Variants in ZBTB8A observed in about 807,000 individuals in gnomAD.
The protein encoded by ZBTB8A is zinc finger and BTB domain-containing protein 8A.
Under a neutral mutation model 37.8 loss-of-function variants are expected in ZBTB8A, and 19 were observed. That is an observed-to-expected ratio of 0.50 (90% CI 0.35 to 0.74). The LOEUF (loss-of-function observed/expected upper bound fraction) is 0.74. ZBTB8A is among the 30% of genes least tolerant of loss of function. The probability of loss-of-function intolerance (pLI) is 0.01; values close to 1 mark genes in which losing one functional copy is unlikely to be tolerated. For synonymous variants in ZBTB8A, 181 were observed against 185.2 expected, an observed-to-expected ratio of 0.98 and a Z score of 0.19; for missense variants, 394 against 537.8, an observed-to-expected ratio of 0.73 and a Z score of 2.65.
chr1:32,576,606 T>A (rs956271504), intron 2 of ZBTB8A, among the ~76,000 whole-genome samples: 1 of 152,176 alleles, frequency 6.6e-6, no homozygotes, highest in African/African-American at 2.4e-5. Flanking sequence ...TTTTTGTGTT[T>A]TTAATAGAGA....
intron 2 of ZBTB8A, among the ~76,000 whole-genome samples, chr1:32,576,039 A>G (rs1374930086): frequency 6.6e-6 from 1 of 152,224 alleles, no homozygotes; most frequent in Non-Finnish European, 1.5e-5. Flanking sequence ...CTTCATATAT[A>G]GCAGATTTCA....
intron 2 of ZBTB8A, among the ~76,000 whole-genome samples, chr1:32,592,182 C>T (rs978326022): frequency 6.6e-6 from 1 of 152,056 alleles, no homozygotes; most frequent in Non-Finnish European, 1.5e-5. Flanking sequence ...AACCTATTAT[C>T]TTCTGTGTCT....
chr1:32,595,696 C>T (rs1022724303), intron 4 of ZBTB8A, among the ~76,000 whole-genome samples: 2 of 151,052 alleles, frequency 1.3e-5, no homozygotes, highest in African/African-American at 2.4e-5. Flanking sequence ...ATCGCCCAAG[C>T]TGGAGTGCAG....
At position 32,602,424 on chromosome 1, in the gene ZBTB8A, T is replaced by C. The variant is rs570986787; in HGVS notation, c.*2005T>C. On this transcript the variant is annotated 3_prime_UTR_variant, in exon 5 of 5. Transcript: ENST00000373510. ...AGAAGCATTGTTTCAGTTCTAAAGG[T>C]AAAATCTAAATATCCGAAGTAAAGA... The C allele has an allele frequency of 1.4e-4, 21 of 152,080 alleles. No homozygotes were observed. The highest frequency in any genetic ancestry group is 4.6e-4 in the African/African-American group (19 of 41,490). 9.4% of individuals were successfully genotyped at this position (152,080 alleles called of 1,614,324 possible). A position where few individuals can be genotyped will look rare whatever the true frequency, so the allele number is the denominator to read the frequency against.
At chr1:32,571,518 T>C (rs1358971709) in intron 2 of ZBTB8A, among the ~76,000 whole-genome samples, 5 of 152,166 alleles carry the variant, frequency 3.3e-5, no homozygotes, top group Non-Finnish European at 7.4e-5. Context: ...TTAAACATCT[T>C]GTATTCCAGC....
chr1:32,588,665 C>T (rs1644466214), intron 2 of ZBTB8A, among the ~76,000 whole-genome samples: 1 of 151,948 alleles, frequency 6.6e-6, no homozygotes, highest in Non-Finnish European at 1.5e-5. Flanking sequence ...TTGGATTTGA[C>T]AACATGTGAG....
intron 4 of ZBTB8A, among the ~76,000 whole-genome samples, chr1:32,598,355 C>G (rs1644549085): frequency 6.6e-6 from 1 of 151,326 alleles, no homozygotes; most frequent in Non-Finnish European, 1.5e-5. Flanking sequence ...GCCTCAGCCT[C>G]CCGTGTAGCT....
Position 32,578,034 on chromosome 1 carries a change from G to T in ZBTB8A, c.-1-14897G>T, listed in dbSNP as rs1023439478. 4.0e-5 allele frequency among the ~76,000 whole-genome samples: 6 copies of T among 151,702 alleles called. No homozygotes were observed. The Admixed American group carries it at 4.0e-4, about 10-fold the overall frequency. On this transcript the variant is annotated intron_variant, in intron 2 of 4. Transcript: ENST00000373510. ...TTCTCCTGCCTCAGCCTCCCCAGCA[G>T]CTGGGATTACAGGTGCGTGCCACCA...
chr1:32,580,980 C>T (rs373519277), intron 2 of ZBTB8A, among the ~76,000 whole-genome samples: 72 of 149,410 alleles, frequency 4.8e-4, no homozygotes, highest in Middle Eastern at 3.4e-3. Flanking sequence ...GGTGTCCACA[C>T]GACCTAATAA....
intron 2 of ZBTB8A, among the ~76,000 whole-genome samples, chr1:32,563,262 A>G (rs1425200398): frequency 1.3e-5 from 2 of 152,126 alleles, no homozygotes; most frequent in African/African-American, 4.8e-5. Context: ...ACCAGGCACG[A>G]TGGCTCACCC....
chr1:32,565,716 T>G (rs1036966214), intron 2 of ZBTB8A, among the ~76,000 whole-genome samples: 24 of 152,172 alleles, frequency 1.6e-4, no homozygotes, highest in African/African-American at 5.8e-4. Flanking sequence ...TTCATTTCCC[T>G]TTAGTCCTAT....
chr1:32,600,619 G>C lies in ZBTB8A; in HGVS notation c.*200G>C, dbSNP rs1382496697. ...TGCCCTAAAATGTGTTGCTGCACTG[G>C]AAAGAAAGAACTAGCTTGAGTTGGC... On this transcript the variant is annotated 3_prime_UTR_variant, in exon 5 of 5. Coordinates refer to ENST00000373510, the MANE Select transcript of ZBTB8A (RefSeq NM_001040441.3). The C allele has an allele frequency of 9.3e-6, 5 of 536,466 alleles. No homozygotes were observed. In the Admixed American group the frequency reaches 1.7e-4, roughly 18 times the overall value. 33.2% of individuals were successfully genotyped at this position (536,466 alleles called of 1,614,324 possible). A position where few individuals can be genotyped will look rare whatever the true frequency, so the allele number is the denominator to read the frequency against.
intron 2 of ZBTB8A, among the ~76,000 whole-genome samples, chr1:32,589,265 T>A (rs944035050): frequency 1.3e-5 from 2 of 151,982 alleles, no homozygotes; most frequent in Non-Finnish European, 2.9e-5. Context: ...GTTTGTTTGT[T>A]TTTGAGTTGG....
chr1:32,553,220 C>T (rs1458254300), intron 1 of ZBTB8A, among the ~76,000 whole-genome samples: 1 of 151,922 alleles, frequency 6.6e-6, no homozygotes, highest in African/African-American at 2.4e-5. Flanking sequence ...CCACCATGCC[C>T]AGCTAATTTT....
At chr1:32,551,423 A>G (rs991077378) in intron 1 of ZBTB8A, among the ~76,000 whole-genome samples, 1 of 151,030 alleles carries the variant, frequency 6.6e-6, no homozygotes, top group East Asian at 1.9e-4. Context: ...CTCTCTCTCA[A>G]AAAAAAAAGT....
In ZBTB8A at chr1:32,601,912, T is replaced by C. The variant is rs1246567631; in HGVS notation, c.*1493T>C. ...ATGTTTTTATGTCACGTTATTTATA[T>C]GTAAATTTAAAGTATAAAACTATTT... On this transcript the variant is annotated 3_prime_UTR_variant, in exon 5 of 5. Transcript: ENST00000373510. 1 of 377,586 alleles carries C rather than the reference T, an allele frequency of 2.6e-6. No homozygotes were observed. Among genetic ancestry groups the C allele is most frequent in the East Asian group, 3.8e-5 (1 of 26,326 alleles). The allele number at this position is 377,586 out of a possible 1,614,324, so 23.4% of individuals were successfully genotyped here.
At chr1:32,556,371 A>G (rs1056429762) in intron 2 of ZBTB8A, among the ~76,000 whole-genome samples, 19 of 151,578 alleles carry the variant, frequency 1.3e-4, no homozygotes, top group Admixed American at 6.6e-4. Context: ...CCCGGCCACA[A>G]TTTTTTATTT....
intron 2 of ZBTB8A, among the ~76,000 whole-genome samples, chr1:32,574,528 TTGAGGTTATAG>T (rs1644346033): frequency 6.6e-6 from 1 of 152,042 alleles, no homozygotes; most frequent in Non-Finnish European, 1.5e-5. Context: ...GCCCAGAAGT[TTGAGGTTATAG>T]TGAGCTATGA....
At position 32,600,363 on chromosome 1, in the gene ZBTB8A, C is replaced by T; in HGVS notation, c.1270C>T (p.Gln424Ter). The change falls in exon 5 of 5, where the codon CAG (glutamine) becomes TAG (stop). Residue 424 changes from glutamine to a stop codon, truncating the protein, a stop_gained. Coordinates refer to ENST00000373510, the MANE Select transcript of ZBTB8A (RefSeq NM_001040441.3). LOFTEE classifies it high-confidence loss of function. Reference protein sequence around the residue: ...EDGSADLVIQQVDDSEEEEEK... With the variant: ...EDGSADLVIQ The stretch of plus-strand genomic sequence containing the variant: ...TGGGTCTGCTGATCTGGTCATCCAA[C>T]AGGTTGATGATAGTGAAGAAGAAGA... 1 of 1,614,118 alleles carries T rather than the reference C, an allele frequency of 6.2e-7. No individual in the cohort carries two copies. Among genetic ancestry groups the T allele is most frequent in the Non-Finnish European group, 8.5e-7 (1 of 1,180,018 alleles).
Sources: gnomAD v4.1 joint callset for allele counts (sites outside exome capture counted in the v4.1 genomes callset) on GRCh38, gnomAD v4.1.1 for gene constraint, MANE v1.5 for transcripts, NCBI Gene and HGNC (gene_info 2026-07-23, HGNC 2026-07-21) for gene names.